The following DMD variants were observed in gnomAD, a reference collection of about 807,000 sequenced individuals.
The protein encoded by DMD is mutant dystrophin.
A neutral mutation model predicts 330.1 loss-of-function variants in DMD; 63 were observed. The ratio of observed to expected loss-of-function variants is 0.19; its 90% CI spans 0.16 to 0.24. The LOEUF (loss-of-function observed/expected upper bound fraction) is 0.24, where lower values mean the gene tolerates loss of function less well. DMD is among the 10% of genes least tolerant of loss of function. The pLI is 1.00. For missense variants in DMD, 3,344 were observed against 2,684.1 expected (o/e 1.25, Z -5.43); for synonymous variants, 1,223 against 959.8 (o/e 1.27, Z -5.07).
chrX:32,538,306 G>C (rs930052571), intron 17 of DMD, among the ~76,000 whole-genome samples: 2 of 111,475 alleles, frequency 1.8e-5, no homozygotes, highest in Non-Finnish European at 3.8e-5. Context: ...ATTGTGATTT[G>C]TTTTTGCCCC....
chrX:31,945,066 T>A (rs2095068396), intron 45 of DMD, among the ~76,000 whole-genome samples: 1 of 111,908 alleles, frequency 8.9e-6, no homozygotes, highest in South Asian at 3.7e-4. Context: ...GAGGGTCAAC[T>A]TTTAGAGTTA....
At chrX:32,367,323 T>C (rs1312814261) in intron 34 of DMD, among the ~76,000 whole-genome samples, 2 of 112,090 alleles carry the variant, frequency 1.8e-5, no homozygotes, top group East Asian at 5.6e-4. Context: ...TATGAGTTTG[T>C]CAAAGAGATG....
chrX:31,517,155 A>T lies in DMD; in HGVS notation c.8218-9702T>A, dbSNP rs186782869. 9.4e-4 allele frequency among the ~76,000 whole-genome samples: 105 copies of T among 112,131 alleles called. 1 individual carries two copies. Among genetic ancestry groups the T allele is most frequent in the Admixed American group, 6.4e-3 (67 of 10,513 alleles). On this transcript the variant is annotated intron_variant, in intron 55 of 78. Coordinates refer to ENST00000357033, the MANE Select transcript of DMD (RefSeq NM_004006.3). ...TTATTCATCACAAAAATGTGCATTA[A>T]GTACCTATTGTATGTCTATAAGTAG...
At chrX:31,685,840 C>A (rs1194807911) in intron 52 of DMD, among the ~76,000 whole-genome samples, 1 of 112,507 alleles carries the variant, frequency 8.9e-6, no homozygotes, top group African/African-American at 3.2e-5. Context: ...CCTTTACCCC[C>A]TTGTGGTTGA....
At chrX:32,753,797 A>G (rs1328515480) in intron 7 of DMD, among the ~76,000 whole-genome samples, 1 of 111,986 alleles carries the variant, frequency 8.9e-6, no homozygotes, top group East Asian at 2.8e-4. Context: ...CTACATGTTA[A>G]TATGTTCTTG....
chrX:32,333,133 A>C (rs1465026152), intron 41 of DMD, among the ~76,000 whole-genome samples: 1 of 111,663 alleles, frequency 9.0e-6, no homozygotes, highest in Non-Finnish European at 1.9e-5. Flanking sequence ...CTGTTTTTTA[A>C]TAGACACTTT....
intron 53 of DMD, among the ~76,000 whole-genome samples, chrX:31,673,762 A>G (rs1171677729): frequency 8.9e-6 from 1 of 112,156 alleles, no homozygotes; most frequent in African/African-American, 3.2e-5. Context: ...CAATCAAAGC[A>G]TAAAGTTATT....
intron 42 of DMD, among the ~76,000 whole-genome samples, chrX:32,296,344 C>A (rs1403439951): frequency 1.8e-5 from 2 of 111,206 alleles, no homozygotes; most frequent in Admixed American, 9.6e-5. Context: ...TGAGCCGAGA[C>A]TGTGCCACCG....
chrX:33,045,973 T>TTAG (rs2094376403), intron 1 of DMD, among the ~76,000 whole-genome samples: 1 of 111,204 alleles, frequency 9.0e-6, no homozygotes, highest in Admixed American at 9.6e-5. Context: ...GAATAGGCAG[T>TTAG]TCAACTAAGG....
intron 41 of DMD, among the ~76,000 whole-genome samples, chrX:32,312,331 C>G (rs2097565548): frequency 9.0e-6 from 1 of 111,069 alleles, no homozygotes; most frequent in Non-Finnish European, 1.9e-5. Context: ...ATGTTTTTAT[C>G]TATTTTCTGA....
At chrX:32,588,546 A>C (rs1168391038) in intron 13 of DMD, among the ~76,000 whole-genome samples, 2 of 111,679 alleles carry the variant, frequency 1.8e-5, no homozygotes, top group African/African-American at 3.3e-5. Context: ...GAGTCAGGTA[A>C]TCAAATACCT....
At chrX:32,809,429 G>T in intron 7 of DMD, 64 bp downstream of exon 7, 1 of 922,532 alleles carries the variant, frequency 1.1e-6, no homozygotes, top group Non-Finnish European at 1.6e-6. Flanking sequence ...GAAATGACAA[G>T]TCTCAGATGA....
intron 47 of DMD, among the ~76,000 whole-genome samples, chrX:31,916,454 T>C (rs2094609720): frequency 1.8e-5 from 2 of 112,311 alleles, no homozygotes; most frequent in South Asian, 7.3e-4. Context: ...TTACTGATTT[T>C]GATTTTGAAT....
chrX:31,337,186 G>T (rs1283176684), intron 61 of DMD, among the ~76,000 whole-genome samples: 1 of 110,386 alleles, frequency 9.1e-6, no homozygotes, highest in Non-Finnish European at 1.9e-5. Flanking sequence ...GCCTCCCAAA[G>T]TGCTGGGATT....
chrX:32,656,627 G>C (rs12387972), intron 9 of DMD, among the ~76,000 whole-genome samples: 11,560 of 111,306 alleles, frequency 0.1, 1,372 homozygotes, highest in African/African-American at 0.35. Flanking sequence ...ACTCTACTCT[G>C]TCTCTCTAAA....
At chrX:31,636,057 C>T (rs1404423050) in intron 54 of DMD, among the ~76,000 whole-genome samples, 1 of 111,821 alleles carries the variant, frequency 8.9e-6, no homozygotes, top group Non-Finnish European at 1.9e-5. Flanking sequence ...ATGGATGGAG[C>T]TGCAGGCCAT....
intron 54 of DMD, among the ~76,000 whole-genome samples, chrX:31,646,145 A>C (rs2080080928): frequency 9.0e-6 from 1 of 111,345 alleles, no homozygotes; most frequent in Admixed American, 9.6e-5. Flanking sequence ...TCTCTCTATT[A>C]AGCTGAAATA....
chrX:32,657,151 C>G (rs1461748594), intron 9 of DMD, among the ~76,000 whole-genome samples: 1 of 109,788 alleles, frequency 9.1e-6, no homozygotes, highest in Non-Finnish European at 1.9e-5. Flanking sequence ...TCACCTGAGA[C>G]TTTCTGTCTT....
At chrX:31,381,330 GT>G (rs1406651265) in intron 60 of DMD, among the ~76,000 whole-genome samples, 2 of 111,710 alleles carry the variant, frequency 1.8e-5, no homozygotes, top group African/African-American at 6.5e-5. Context: ...TGACCTTACT[GT>G]TTTGCCTAGC....
Sources: allele counts gnomAD v4.1 joint callset (sites outside exome capture counted in the v4.1 genomes callset), GRCh38; gene constraint gnomAD v4.1.1; transcripts MANE v1.5; gene names NCBI Gene and HGNC (gene_info 2026-07-23, HGNC 2026-07-21).